CAB39: variants seen among roughly 807,000 people sequenced by gnomAD.
CAB39 encodes the protein calcium binding protein 39.
CAB39 carries 8 observed loss-of-function variants against 40.0 expected under a neutral mutation model. That is an observed-to-expected ratio of 0.20 (90% CI 0.12 to 0.36). The LOEUF (loss-of-function observed/expected upper bound fraction) is 0.36, where lower values mean the gene tolerates loss of function less well. CAB39 is among the 10% of genes least tolerant of loss of function. The pLI, the probability that CAB39 is intolerant of heterozygous loss-of-function variation, is 1.00. For missense variants in CAB39, 270 were observed against 401.1 expected (o/e 0.67, Z 2.79); for synonymous variants, 156 against 141.6 (o/e 1.10, Z -0.72).
At chr2:230,727,404 T>G (rs11679665) in intron 1 of CAB39, among the ~76,000 whole-genome samples, 40 of 125,420 alleles carry the variant, frequency 3.2e-4, no homozygotes, top group African/African-American at 1.4e-3. Flanking sequence ...GTGTGTATTT[T>G]TTTTTCTTTT....
chr2:230,809,186 G>A (rs565049021), intron 5 of CAB39, among the ~76,000 whole-genome samples: 2 of 152,334 alleles, frequency 1.3e-5, no homozygotes, highest in African/African-American at 4.8e-5. Flanking sequence ...AGCTCCCTGT[G>A]CAGTCTAGGA....
At chr2:230,771,924 T>G (rs1221043933) in intron 2 of CAB39, among the ~76,000 whole-genome samples, 1 of 152,176 alleles carries the variant, frequency 6.6e-6, no homozygotes, top group Non-Finnish European at 1.5e-5. Context: ...ATACCATATT[T>G]AAAAATTAAC....
intron 2 of CAB39, among the ~76,000 whole-genome samples, chr2:230,782,072 G>A (rs2124945479): frequency 6.6e-6 from 1 of 152,172 alleles, no homozygotes; most frequent in Admixed American, 6.5e-5. Context: ...CACCAAGTTG[G>A]CCAGGTTGGT....
intron 2 of CAB39, among the ~76,000 whole-genome samples, chr2:230,765,529 C>T (rs1695371399): frequency 6.6e-6 from 1 of 152,010 alleles, no homozygotes; most frequent in African/African-American, 2.4e-5. Context: ...GGGAGAATGT[C>T]CTAATTTAGG....
At chr2:230,725,206 A>G in intron 1 of CAB39, 2 of 1,601,702 alleles carry the variant, frequency 1.2e-6, no homozygotes, top group Non-Finnish European at 1.7e-6. Context: ...TGGCGCCACA[A>G]GTGTCTTTCA....
chr2:230,768,321 A>G (rs1394266095), intron 2 of CAB39, among the ~76,000 whole-genome samples: 2 of 152,228 alleles, frequency 1.3e-5, no homozygotes, highest in African/African-American at 4.8e-5. Context: ...GCTACTGCCC[A>G]CAGTAGTAGT....
chr2:230,767,667 C>T (rs1695411874), intron 2 of CAB39, among the ~76,000 whole-genome samples: 1 of 152,122 alleles, frequency 6.6e-6, no homozygotes, highest in South Asian at 2.1e-4. Context: ...CCTGCAAAGT[C>T]TAAAATATTT....
In CAB39 at chr2:230,819,315, A is replaced by C. The variant is rs949907236; in HGVS notation, c.*611A>C. ...AGGAAAATGTATATATGCTTTTCAC[A>C]GCTTTCTAGAATTTTTTGACATTTG... On this transcript the variant is annotated 3_prime_UTR_variant, in exon 9 of 9. Transcript: ENST00000258418. The C allele has an allele frequency of 1.3e-5, 2 of 152,664 alleles. No homozygotes were observed. Among genetic ancestry groups the C allele is most frequent in the African/African-American group, 4.8e-5 (2 of 41,472 alleles). The allele number at this position is 152,664 out of a possible 1,614,324, so 9.5% of individuals were successfully genotyped here. A position where few individuals can be genotyped will look rare whatever the true frequency, so the allele number is the denominator to read the frequency against.
intron 1 of CAB39, among the ~76,000 whole-genome samples, chr2:230,749,509 C>G (rs951667843): frequency 2.0e-4 from 30 of 152,198 alleles, no homozygotes; most frequent in African/African-American, 6.3e-4. Flanking sequence ...CATGTTCTCA[C>G]TACCCATTAT....
intron 7 of CAB39, among the ~76,000 whole-genome samples, chr2:230,815,800 G>A (rs1048288490): frequency 1.3e-5 from 2 of 152,180 alleles, no homozygotes; most frequent in South Asian, 2.1e-4. Flanking sequence ...TTATGTTAGC[G>A]GTGGGCCTGT....
intron 1 of CAB39, among the ~76,000 whole-genome samples, chr2:230,749,781 G>C (rs1170109469): frequency 6.6e-6 from 1 of 152,138 alleles, no homozygotes; most frequent in Non-Finnish European, 1.5e-5. Flanking sequence ...GTAAATCTTA[G>C]AGAAGCAATA....
chr2:230,728,633 A>G (rs888688243), intron 1 of CAB39, among the ~76,000 whole-genome samples: 3 of 152,132 alleles, frequency 2.0e-5, no homozygotes, highest in African/African-American at 7.2e-5. Flanking sequence ...TTTTTGAGAC[A>G]GGGTCTTGCT....
chr2:230,734,710 T>C (rs1363042389), intron 1 of CAB39, among the ~76,000 whole-genome samples: 1 of 152,194 alleles, frequency 6.6e-6, no homozygotes, highest in Non-Finnish European at 1.5e-5. Flanking sequence ...TAGTCTTAAA[T>C]GTAGGCCCTG....
At chr2:230,730,348 C>T (rs1327496057) in intron 1 of CAB39, among the ~76,000 whole-genome samples, 1 of 151,788 alleles carries the variant, frequency 6.6e-6, no homozygotes, top group East Asian at 1.9e-4. Context: ...ATTGGTTATT[C>T]TTTGGGAAAA....
intron 2 of CAB39, among the ~76,000 whole-genome samples, chr2:230,763,632 AC>A (rs1695333498): frequency 6.6e-6 from 1 of 152,016 alleles, no homozygotes; most frequent in East Asian, 1.9e-4. Flanking sequence ...ACCTGGTCTC[AC>A]AGCTGTGTAA....
chr2:230,817,716 G>A (rs776308377), intron 7 of CAB39, 38 bp from the exon 8 acceptor site: 5 of 1,499,690 alleles, frequency 3.3e-6, no homozygotes, highest in Non-Finnish European at 4.5e-6. Flanking sequence ...TTTTCTTTAA[G>A]TTTTAATAAC....
intron 1 of CAB39, among the ~76,000 whole-genome samples, chr2:230,746,875 A>T (rs1375126689): frequency 6.6e-6 from 1 of 152,216 alleles, no homozygotes; most frequent in Non-Finnish European, 1.5e-5. Context: ...AGCATGCCAA[A>T]TGTTATAAGA....
rs1006783332 is a variant in CAB39 at position 230,713,027 on chromosome 2, G to A, written c.-247G>A. ...GCGCAGCAGCGCGGCGGCAGCCGCG[G>A]GAGCCCCTGGGCAGCCGTCCGCCCG... On this transcript the variant is annotated 5_prime_UTR_variant, in exon 1 of 9. Coordinates refer to ENST00000258418, the MANE Select transcript of CAB39 (RefSeq NM_016289.4). 1 of 150,776 alleles carries A rather than the reference G, an allele frequency of 6.6e-6. No individual in the cohort carries two copies. The highest frequency in any genetic ancestry group is 1.5e-5 in the Non-Finnish European group (1 of 67,544). The allele number at this position is 150,776 out of a possible 1,614,324, so 9.3% of individuals were successfully genotyped here.
intron 3 of CAB39, among the ~76,000 whole-genome samples, chr2:230,792,805 G>A (rs2124959328): frequency 6.6e-6 from 1 of 152,246 alleles, no homozygotes; most frequent in African/African-American, 2.4e-5. Context: ...CCATCACTAT[G>A]AAAGGAAAGC....
Sources: allele counts gnomAD v4.1 joint callset (sites outside exome capture counted in the v4.1 genomes callset), GRCh38; gene constraint gnomAD v4.1.1; transcripts MANE v1.5; gene names NCBI Gene and HGNC (gene_info 2026-07-23, HGNC 2026-07-21).